Variants in VPS35L observed in about 807,000 individuals in gnomAD.
VPS35L encodes the protein VPS35 endosomal protein sorting factor like, also known as VPS35 endosomal protein-sorting factor-like.
Under a neutral mutation model 133.0 loss-of-function variants are expected in VPS35L, and 83 were observed. That is an observed-to-expected ratio of 0.62 (90% confidence interval 0.52 to 0.75). The LOEUF (loss-of-function observed/expected upper bound fraction) is 0.75, where lower values mean the gene tolerates loss of function less well. Ranked by LOEUF, VPS35L falls within the 30% of genes least tolerant of loss-of-function variation. The pLI is 0.00. For missense variants in VPS35L, 1,083 were observed against 1,206.8 expected, an observed-to-expected ratio of 0.90 and a Z score of 1.52; for synonymous variants, 423 against 449.9, an observed-to-expected ratio of 0.94 and a Z score of 0.76.
intron 24 of VPS35L, 51 bp from the exon 25 acceptor site, chr16:19,650,331 T>C (rs764881965): frequency 7.1e-7 from 1 of 1,399,650 alleles, no homozygotes; most frequent in Non-Finnish European, 1.0e-6. Context: ...AAGACACTCA[T>C]CTGAATCGGC....
At chr16:19,679,466 C>CAATT (rs1174776131) in intron 27 of VPS35L, among the ~76,000 whole-genome samples, 15 of 124,128 alleles carry the variant, frequency 1.2e-4, no homozygotes, top group African/African-American at 4.8e-4. Flanking sequence ...AGGTTAAGAA[C>CAATT]AATTATTTAT....
At chr16:19,651,811 A>T (rs1183035721) in intron 25 of VPS35L, among the ~76,000 whole-genome samples, 165 bp from the exon 26 acceptor site, 10 of 152,070 alleles carry the variant, frequency 6.6e-5, no homozygotes, top group Non-Finnish European at 5.9e-5. Context: ...CTGTCCTCCT[A>T]GAGGGTCATC....
At chr16:19,590,900 A>ATT (rs1972023098) in intron 7 of VPS35L, among the ~76,000 whole-genome samples, 2 of 152,118 alleles carry the variant, frequency 1.3e-5, no homozygotes, top group Non-Finnish European at 2.9e-5. Flanking sequence ...TGCTGCAGTA[A>ATT]GCTATGATTG....
chr16:19,655,786 A>T (rs1280340322), intron 26 of VPS35L, among the ~76,000 whole-genome samples: 3 of 152,170 alleles, frequency 2.0e-5, no homozygotes, highest in Admixed American at 1.3e-4. Context: ...GATGCTTCTT[A>T]ACTGGAGATG....
At chr16:19,621,741 C>T (rs1973088044) in intron 14 of VPS35L, among the ~76,000 whole-genome samples, 2 of 152,236 alleles carry the variant, frequency 1.3e-5, no homozygotes, top group South Asian at 4.1e-4. Flanking sequence ...ACATTTGGCT[C>T]TCCGAACACT....
chr16:19,644,839 T>G (rs1476703984), intron 22 of VPS35L, 47 bp from the exon 23 acceptor site: 7 of 1,392,800 alleles, frequency 5.0e-6, no homozygotes. Flanking sequence ...CTTTAGAAAC[T>G]TTCATCTATT....
intron 29 of VPS35L, among the ~76,000 whole-genome samples, chr16:19,692,991 C>G (rs1975751429): frequency 6.6e-6 from 1 of 152,232 alleles, no homozygotes; most frequent in African/African-American, 2.4e-5. Context: ...GGGCAGAGAC[C>G]TACATACCCA....
intron 30 of VPS35L, 134 bp from the exon 31 acceptor site, chr16:19,700,244 C>T (rs1398650293): frequency 4.3e-6 from 3 of 700,264 alleles, no homozygotes; most frequent in South Asian, 2.1e-5. Context: ...TGATTTCTTC[C>T]CTCCTCTCAT....
intron 29 of VPS35L, chr16:19,694,395 C>G (rs774604364): frequency 5.3e-5 from 8 of 151,952 alleles, no homozygotes; most frequent in Non-Finnish European, 1.2e-4. Context: ...CCCTTTCAGC[C>G]TACAGGAATA....
intron 1 of VPS35L, among the ~76,000 whole-genome samples, chr16:19,559,930 C>T (rs1970974996): frequency 6.6e-6 from 1 of 152,130 alleles, no homozygotes; most frequent in Admixed American, 6.6e-5. Flanking sequence ...TCAGGTGACC[C>T]ACCCACCTCG....
intron 27 of VPS35L, among the ~76,000 whole-genome samples, chr16:19,675,558 GT>G (rs1419263970): frequency 9.9e-5 from 15 of 151,582 alleles, no homozygotes; most frequent in Non-Finnish European, 1.3e-4. Flanking sequence ...TACTGTTTTT[GT>G]TTTGTTTTGT....
chr16:19,622,140 C>CTTTTTTTTTTTTTTTTTT (rs60521137), intron 14 of VPS35L, among the ~76,000 whole-genome samples: 3 of 107,920 alleles, frequency 2.8e-5, no homozygotes, highest in Admixed American at 1.1e-4. Context: ...CCATGTATAT[C>CTTTTTTTTTTTTTTTTTT]TTTTTTTTTT....
intron 20 of VPS35L, among the ~76,000 whole-genome samples, chr16:19,638,108 C>G (rs1476820048): frequency 2.6e-5 from 4 of 152,134 alleles, no homozygotes; most frequent in Non-Finnish European, 5.9e-5. Flanking sequence ...TTTAAAATAT[C>G]CTGCGATGTC....
intron 15 of VPS35L, among the ~76,000 whole-genome samples, chr16:19,627,242 C>T (rs976999488): frequency 6.6e-5 from 10 of 150,428 alleles, no homozygotes; most frequent in Non-Finnish European, 1.3e-4. Context: ...AAGATCGTGA[C>T]ACTACTCCAG....
intron 7 of VPS35L, among the ~76,000 whole-genome samples, chr16:19,590,797 G>GA (rs1188375602): frequency 2.6e-5 from 4 of 151,388 alleles, no homozygotes; most frequent in South Asian, 2.1e-4. Context: ...TAAAATTAAA[G>GA]AAAAAAAATT....
intron 28 of VPS35L, among the ~76,000 whole-genome samples, chr16:19,688,403 A>G (rs1363054421): frequency 1.3e-5 from 2 of 152,216 alleles, no homozygotes; most frequent in Non-Finnish European, 1.5e-5. Flanking sequence ...TCTAGCAGAT[A>G]AGCTAAACTG....
intron 26 of VPS35L, among the ~76,000 whole-genome samples, chr16:19,656,444 A>T (rs562543467): frequency 3.3e-5 from 5 of 151,670 alleles, no homozygotes; most frequent in Non-Finnish European, 7.4e-5. Context: ...GTGGAATTAC[A>T]TGATGTATTT....
At chr16:19,637,723 A>G in intron 20 of VPS35L, 67 bp downstream of exon 20, 1 of 1,177,566 alleles carries the variant, frequency 8.5e-7, no homozygotes, top group East Asian at 2.4e-5. Flanking sequence ...TTGTCTCAGT[A>G]ATGTTTTCAT....
At chr16:19,600,258 GAAA>G (rs10596954) in intron 8 of VPS35L, among the ~76,000 whole-genome samples, 3,813 of 145,782 alleles carry the variant, frequency 0.026, 171 homozygotes, top group African/African-American at 0.09. Flanking sequence ...AAAGGGTTAT[GAAA>G]AAAAAAAAAA....
Sources: gnomAD v4.1 joint callset for allele counts (sites outside exome capture counted in the v4.1 genomes callset) on GRCh38, gnomAD v4.1.1 for gene constraint, MANE v1.5 for transcripts, NCBI Gene and HGNC (gene_info 2026-07-23, HGNC 2026-07-21) for gene names.